BDH2: variants seen among roughly 807,000 people sequenced by gnomAD.
The protein encoded by BDH2 is 3-hydroxybutyrate dehydrogenase 2, also known as dehydrogenase/reductase SDR family member 6.
A neutral mutation model predicts 33.2 loss-of-function variants in BDH2; 24 were observed. The ratio of observed to expected loss-of-function variants is 0.72; its 90% CI spans 0.52 to 1.02. The LOEUF (loss-of-function observed/expected upper bound fraction) is 1.02. Ranked by LOEUF, BDH2 falls within the 50% of genes least tolerant of loss-of-function variation. The probability of loss-of-function intolerance (pLI) is 0.00; values close to 1 mark genes in which losing one functional copy is unlikely to be tolerated. For synonymous variants in BDH2, 81 were observed against 101.6 expected (o/e 0.80, Z 1.22); for missense variants, 249 against 301.6 (o/e 0.83, Z 1.29).
chr4:103,082,476 T>C (rs1341416753), intron 8 of BDH2, among the ~76,000 whole-genome samples: 2 of 152,208 alleles, frequency 1.3e-5, no homozygotes, highest in Non-Finnish European at 2.9e-5. Context: ...ATTTTAAGTG[T>C]ACAGTTCAAT....
At chr4:103,092,167 G>A (rs150474849) in intron 4 of BDH2, among the ~76,000 whole-genome samples, 1 of 152,236 alleles carries the variant, frequency 6.6e-6, no homozygotes, top group East Asian at 1.9e-4. Flanking sequence ...ATGACAGCAG[G>A]AACCACATGA....
chr4:103,082,055 A>C (rs758031299), intron 9 of BDH2, 26 bp downstream of exon 9: 1 of 1,590,150 alleles, frequency 6.3e-7, no homozygotes, highest in South Asian at 1.1e-5. Flanking sequence ...GAGGGTAATG[A>C]ACTCCTTGGG....
In BDH2 at chr4:103,079,686, C is replaced by T. The variant is rs766124922; in HGVS notation, c.*16G>A. 1 of 1,612,916 alleles carries T rather than the reference C, an allele frequency of 6.2e-7. No homozygotes were observed. The highest frequency in any genetic ancestry group is 8.5e-7 in the Non-Finnish European group (1 of 1,179,130). ...AGGAAGGGCCTGCCTTCCTTCCCAC[C>T]ATGGAGATCCTAAAATCACAAGCTC... On this transcript the variant is annotated 3_prime_UTR_variant, in exon 10 of 10. Coordinates refer to ENST00000296424, the MANE Select transcript of BDH2 (RefSeq NM_020139.4).
intron 3 of BDH2, among the ~76,000 whole-genome samples, chr4:103,094,689 AAT>A (rs576863036): frequency 6.6e-6 from 1 of 152,164 alleles, no homozygotes; most frequent in South Asian, 2.1e-4. Flanking sequence ...AAAAAATTAA[AAT>A]ATTAATTTTT....
chr4:103,094,766 T>A (rs2125811493), intron 3 of BDH2, among the ~76,000 whole-genome samples: 1 of 152,220 alleles, frequency 6.6e-6, no homozygotes, highest in South Asian at 2.1e-4. Flanking sequence ...TATTATTAAA[T>A]TAATTTTCAC....
At position 103,095,274 on chromosome 4, in the gene BDH2, GCAAAA is replaced by G. The variant is rs757746539; in HGVS notation, c.75_79del (p.Phe26LysfsTer12). Reference sequence around the variant, plus strand: ...GGCTATGACTTTGGCACCTTCTCTTGCAAAAGCCTAGTAGACACAAAGTACAAATA... The same window carrying G: ...GGCTATGACTTTGGCACCTTCTCTTGGCCTAGTAGACACAAAGTACAAATA... On this transcript the variant is annotated frameshift_variant and splice_region_variant, in exon 3 of 10. Coordinates refer to ENST00000296424, the MANE Select transcript of BDH2 (RefSeq NM_020139.4). 1 of 1,612,998 alleles carries G rather than the reference GCAAAA, an allele frequency of 6.2e-7. No homozygotes were observed. The highest frequency in any genetic ancestry group is 8.5e-7 in the Non-Finnish European group (1 of 1,179,198).
At chr4:103,085,799 G>A in intron 6 of BDH2, 11 of 1,304,352 alleles carry the variant, frequency 8.4e-6, no homozygotes, top group Non-Finnish European at 9.0e-6. Flanking sequence ...CAATAAAACA[G>A]GAGGCCTAGG....
intron 5 of BDH2, among the ~76,000 whole-genome samples, chr4:103,087,212 A>G (rs952556251): frequency 3.9e-5 from 6 of 152,064 alleles, no homozygotes; most frequent in Non-Finnish European, 5.9e-5. Flanking sequence ...AACTGGGAGG[A>G]GGGGCTGGGT....
In BDH2 at chr4:103,079,381, A is replaced by G. The variant is rs898615123; in HGVS notation, c.*321T>C. ...ACTGAAAAATAAATGTTTGTTGTCT[A>G]TGACACTCCATCTATGGTAATTTGT... On this transcript the variant is annotated 3_prime_UTR_variant, in exon 10 of 10. Transcript: ENST00000296424. 1.9e-5 allele frequency: 5 copies of G among 256,544 alleles called. No individual in the cohort carries two copies. Among genetic ancestry groups the G allele is most frequent in the East Asian group, 2.0e-4 (2 of 10,242 alleles). The allele number at this position is 256,544 out of a possible 1,614,324, so 15.9% of individuals were successfully genotyped here. A position where few individuals can be genotyped will look rare whatever the true frequency, so the allele number is the denominator to read the frequency against.
intron 3 of BDH2, 62 bp downstream of exon 3, chr4:103,095,141 C>G: frequency 1.5e-6 from 2 of 1,333,852 alleles, no homozygotes; most frequent in Non-Finnish European, 2.1e-6. Context: ...AACATGTGAG[C>G]GCCATGCTTT....
intron 9 of BDH2, among the ~76,000 whole-genome samples, chr4:103,081,817 C>T (rs1045421073): frequency 4.6e-5 from 7 of 152,202 alleles, no homozygotes; most frequent in Non-Finnish European, 8.8e-5. Flanking sequence ...AACTGTCTCT[C>T]AGAAAATTGA....
intron 4 of BDH2, chr4:103,091,591 C>T (rs188664193): frequency 1.1e-4 from 42 of 390,300 alleles, no homozygotes; most frequent in East Asian, 8.6e-4. Flanking sequence ...CAAATAAAGG[C>T]GAACAGGGCT....
chr4:103,096,310 A>T, intron 1 of BDH2, 36 bp from the exon 2 acceptor site: 1 of 1,371,926 alleles, frequency 7.3e-7, no homozygotes, highest in Non-Finnish European at 1.0e-6. Flanking sequence ...TATACTGTAG[A>T]ACATGATCTT....
chr4:103,085,258 ATGAAAACAGCC>A (rs1428672880), intron 7 of BDH2, 80 bp downstream of exon 7: 1 of 964,328 alleles, frequency 1.0e-6, no homozygotes, highest in Non-Finnish European at 1.6e-6. Flanking sequence ...CCTTTGTAGC[ATGAAAACAGCC>A]ATAGGCAATA....
chr4:103,084,007 T>C (rs1301405411), intron 7 of BDH2, among the ~76,000 whole-genome samples: 1 of 152,186 alleles, frequency 6.6e-6, no homozygotes, highest in African/African-American at 2.4e-5. Flanking sequence ...AGGAACATCT[T>C]CTACCTTCAC....
rs1428065067 is a variant in BDH2, at chr4:103,096,165, T to C, written c.72+18A>G. 2 of 1,591,784 alleles carry C rather than the reference T, an allele frequency of 1.3e-6. No individual in the cohort carries two copies. Among genetic ancestry groups the C allele is most frequent in the Admixed American group, 1.7e-5 (1 of 59,712 alleles). Reference sequence around the variant, plus strand: ...AGAGTTAGTAGGCAAACAACAAAGATAGTAACTTATAACTTACTAAGGCAG... The same window carrying C: ...AGAGTTAGTAGGCAAACAACAAAGACAGTAACTTATAACTTACTAAGGCAG... On this transcript the variant is annotated intron_variant, in intron 2 of 9. Transcript: ENST00000296424.
rs556440215 is a variant in BDH2 at position 103,097,757 on chromosome 4, T to C, written c.-20-1483A>G. 8 of 152,340 alleles carry C rather than the reference T, an allele frequency of 5.3e-5. No homozygotes were observed. The East Asian group carries it at 1.5e-3, about 29-fold the overall frequency. The allele number at this position is 152,340 out of a possible 1,614,324, so 9.4% of individuals were successfully genotyped here. The stretch of plus-strand genomic sequence containing the variant: ...GAAGTTGAGACTTTTGTTTCCAGCT[T>C]TGATAAAGTGAAGAATAGGAGAAAG... On this transcript the variant is annotated intron_variant, in intron 1 of 9. Coordinates refer to ENST00000296424, the MANE Select transcript of BDH2 (RefSeq NM_020139.4).
intron 1 of BDH2, among the ~76,000 whole-genome samples, chr4:103,098,479 A>T (rs1748511121): frequency 6.6e-6 from 1 of 152,098 alleles, no homozygotes; most frequent in Non-Finnish European, 1.5e-5. Flanking sequence ...AGTAATGGAC[A>T]ATGAGGCGCA....
At chr4:103,096,326 G>T in intron 1 of BDH2, 52 bp from the exon 2 acceptor site, 1 of 1,173,640 alleles carries the variant, frequency 8.5e-7, no homozygotes, top group Non-Finnish European at 1.3e-6. Flanking sequence ...ATCTTGAGCA[G>T]GCAGTAACAT....
Sources: gnomAD v4.1 joint callset for allele counts (sites outside exome capture counted in the v4.1 genomes callset) on GRCh38, gnomAD v4.1.1 for gene constraint, MANE v1.5 for transcripts, NCBI Gene and HGNC (gene_info 2026-07-23, HGNC 2026-07-21) for gene names.